Variants in BANP observed in about 807,000 individuals in gnomAD.
BANP encodes BTG3 associated nuclear protein, also known as protein BANP.
A neutral mutation model predicts 68.1 loss-of-function variants in BANP; 11 were observed. The ratio of observed to expected loss-of-function variants is 0.16; its 90% CI spans 0.10 to 0.27. The LOEUF is 0.27. Ranked by LOEUF, BANP falls within the 10% of genes least tolerant of loss-of-function variation. The pLI is 1.00. For missense variants in BANP, 504 were observed against 722.7 expected (o/e 0.70, Z 3.47); for synonymous variants, 329 against 303.2 (o/e 1.09, Z -0.88).
At chr16:87,972,589 C>G (rs549512577) in intron 1 of BANP, among the ~76,000 whole-genome samples, 2 of 152,178 alleles carry the variant, frequency 1.3e-5, no homozygotes, top group African/African-American at 4.8e-5. Context: ...ATGATTTTTG[C>G]TTTTCTGAAT....
rs569428506 is a variant in BANP, at chr16:87,957,498, G to A, written c.-69+5983G>A. ...GGAGTCCTGTCAGGAGACCTGGGGC[G>A]GTTTTGAGGCAAGCTCACGGAGGCC... On this transcript the variant is annotated intron_variant, in intron 1 of 13. Coordinates refer to ENST00000682872, the MANE Select transcript of BANP (RefSeq NM_001386991.1). The surrounding 1 kb of genome is among the most constrained non-coding windows in gnomAD (Gnocchi z 4.3). Among the ~76,000 whole-genome samples, 4 of 152,336 alleles carry A rather than the reference G, an allele frequency of 2.6e-5. No individual in the cohort carries two copies. Among genetic ancestry groups the A allele is most frequent in the East Asian group, 3.9e-4 (2 of 5,182 alleles).
At chr16:88,005,894 T>C (rs2070920368) in intron 5 of BANP, among the ~76,000 whole-genome samples, 196 bp from the exon 6 acceptor site, 1 of 152,244 alleles carries the variant, frequency 6.6e-6, no homozygotes, top group Admixed American at 6.5e-5. Flanking sequence ...AGTTTTATTT[T>C]ATACAGTTTC....
At chr16:88,070,150 C>G (rs1186565174) in intron 12 of BANP, among the ~76,000 whole-genome samples, 1 of 152,196 alleles carries the variant, frequency 6.6e-6, no homozygotes, top group Non-Finnish European at 1.5e-5. Context: ...ACACACAGCA[C>G]ACAAAATACC....
intron 12 of BANP, among the ~76,000 whole-genome samples, chr16:88,066,397 G>T (rs2088619294): frequency 6.6e-6 from 1 of 152,212 alleles, no homozygotes; most frequent in African/African-American, 2.4e-5. Flanking sequence ...CGCTGCTGCT[G>T]CCTTATGGAT....
chr16:88,059,914 G>A (rs11117355), intron 11 of BANP, among the ~76,000 whole-genome samples: 72,228 of 152,030 alleles, frequency 0.48, 20,297 homozygotes, highest in Non-Finnish European at 0.65. Context: ...TGGTGGGGAA[G>A]GGTCACATTT....
At chr16:88,020,233 C>T (rs1289815147) in intron 7 of BANP, among the ~76,000 whole-genome samples, 1 of 152,232 alleles carries the variant, frequency 6.6e-6, no homozygotes, top group Non-Finnish European at 1.5e-5. Context: ...AACTGCTTAG[C>T]TCTGAAAGCA....
chr16:88,051,259 G>A (rs1021423816), intron 11 of BANP, among the ~76,000 whole-genome samples: 11 of 152,212 alleles, frequency 7.2e-5, no homozygotes, highest in African/African-American at 2.2e-4. Flanking sequence ...TTGAGGGATG[G>A]GGCAAAATGT....
At chr16:88,007,529 A>G (rs943995024) in intron 6 of BANP, among the ~76,000 whole-genome samples, 3 of 152,264 alleles carry the variant, frequency 2.0e-5, no homozygotes, top group African/African-American at 7.2e-5. Flanking sequence ...GTAAGTGACC[A>G]GATGACTGTC....
chr16:87,974,870 A>G (rs756022242), intron 1 of BANP, among the ~76,000 whole-genome samples, 178 bp from the exon 2 acceptor site: 8 of 152,140 alleles, frequency 5.3e-5, no homozygotes, highest in African/African-American at 1.9e-4. Flanking sequence ...GTTTTCAACT[A>G]TTTGTTAATT....
intron 4 of BANP, among the ~76,000 whole-genome samples, chr16:87,986,159 G>GC (rs1457412656): frequency 6.6e-6 from 1 of 152,150 alleles, no homozygotes; most frequent in Non-Finnish European, 1.5e-5. Context: ...GCACCCCTGG[G>GC]CACCTGCATT....
chr16:88,076,352 G>T (rs894667279), intron 13 of BANP, among the ~76,000 whole-genome samples: 22 of 152,186 alleles, frequency 1.4e-4, no homozygotes, highest in Admixed American at 2.0e-4. Flanking sequence ...TGTCGGGGGC[G>T]GGCCGGGGCC....
chr16:88,010,525 G>C (rs1338974896), intron 6 of BANP, among the ~76,000 whole-genome samples: 1 of 152,230 alleles, frequency 6.6e-6, no homozygotes, highest in Non-Finnish European at 1.5e-5. Context: ...TCCTGCAGCT[G>C]CTACTGGCAC....
chr16:87,957,632 A>G lies in BANP; in HGVS notation c.-69+6117A>G, dbSNP rs544697186. On this transcript the variant is annotated intron_variant, in intron 1 of 13. Coordinates refer to ENST00000682872, the MANE Select transcript of BANP (RefSeq NM_001386991.1). The surrounding 1 kb of genome is among the most constrained non-coding windows in gnomAD (Gnocchi z 4.3). ...TGATTTTCCTTTTCCCTTGAGATGA[A>G]AAGTCATCAAATATCTGGAAGCAAA... is the stretch of plus-strand genomic sequence containing the variant. Among the ~76,000 whole-genome samples the G allele has an allele frequency of 6.6e-6, 1 of 152,366 alleles. No individual in the cohort carries two copies. Among genetic ancestry groups the G allele is most frequent in the East Asian group, 1.9e-4 (1 of 5,188 alleles).
intron 12 of BANP, among the ~76,000 whole-genome samples, chr16:88,070,666 G>A (rs976258161): frequency 2.6e-5 from 4 of 152,180 alleles, no homozygotes; most frequent in African/African-American, 9.7e-5. Context: ...CTTGGGTCAT[G>A]ACAGGCCAGC....
At chr16:88,049,126 G>A (rs1394730506) in intron 11 of BANP, among the ~76,000 whole-genome samples, 2 of 152,102 alleles carry the variant, frequency 1.3e-5, no homozygotes, top group African/African-American at 4.8e-5. Context: ...CACGGAGACA[G>A]CGTCGGATCC....
intron 11 of BANP, among the ~76,000 whole-genome samples, chr16:88,039,949 C>T (rs1429757916): frequency 2.0e-5 from 3 of 152,194 alleles, no homozygotes; most frequent in East Asian, 1.9e-4. Context: ...ATAAAGCTGC[C>T]GTACTACCAC....
chr16:88,005,308 C>T (rs1244029208), intron 5 of BANP, among the ~76,000 whole-genome samples: 1 of 152,162 alleles, frequency 6.6e-6, no homozygotes, highest in Non-Finnish European at 1.5e-5. Context: ...GAATCCAGGC[C>T]AGAAAGTGCA....
At chr16:88,012,908 G>T (rs1046426403) in intron 6 of BANP, among the ~76,000 whole-genome samples, 27 of 151,822 alleles carry the variant, frequency 1.8e-4, no homozygotes, top group South Asian at 1.0e-3. Context: ...TTCCAGGCTG[G>T]GATTTTTAAA....
chr16:88,009,231 TG>T (rs2152572798), intron 6 of BANP, among the ~76,000 whole-genome samples: 1 of 152,252 alleles, frequency 6.6e-6, no homozygotes, highest in South Asian at 2.1e-4. Context: ...GGGCAGGTGG[TG>T]AATCAGCGAG....
Sources: gnomAD v4.1 joint callset for allele counts (sites outside exome capture counted in the v4.1 genomes callset) on GRCh38, gnomAD v4.1.1 for gene constraint, Gnocchi (gnomAD v3.1) non-coding constraint, MANE v1.5 for transcripts, NCBI Gene and HGNC (gene_info 2026-07-23, HGNC 2026-07-21) for gene names.